HAUS8: variants seen among roughly 807,000 people sequenced by gnomAD.
HAUS8 encodes HAUS augmin like complex subunit 8.
Under a neutral mutation model 42.9 loss-of-function variants are expected in HAUS8, and 38 were observed. That is an observed-to-expected ratio of 0.89 (90% confidence interval 0.68 to 1.16). The LOEUF is 1.16. Ranked by LOEUF, HAUS8 falls within the 50% of genes most tolerant of loss-of-function variation. The pLI, the probability that HAUS8 is intolerant of heterozygous loss-of-function variation, is 0.00. For synonymous variants in HAUS8, 199 were observed against 205.8 expected, an observed-to-expected ratio of 0.97 and a Z score of 0.28; for missense variants, 494 against 511.6, an observed-to-expected ratio of 0.97 and a Z score of 0.33.
At position 17,062,864 on chromosome 19, in the gene HAUS8, G is replaced by C. The variant is rs1272800029; in HGVS notation, c.148-85C>G. 5.1e-6 allele frequency: 5 copies of C among 971,816 alleles called. No individual in the cohort carries two copies. In the Admixed American group the frequency reaches 5.4e-5, roughly 11 times the overall value. 60.2% of individuals were successfully genotyped at this position (971,816 alleles called of 1,614,324 possible). ...CCTGATGCGGTCTGCACTGTGTTTC[G>C]TAACTGCTCTTACTTTGAGGCAGGG... On this transcript the variant is annotated intron_variant, in intron 3 of 10. Transcript: ENST00000253669.
At chr19:17,059,474 G>A (rs987184506) in intron 6 of HAUS8, 83 bp downstream of exon 6, 2 of 901,466 alleles carry the variant, frequency 2.2e-6, no homozygotes, top group Non-Finnish European at 3.6e-6. Context: ...GGATCCGTGG[G>A]CACTCAGCAT....
intron 1 of HAUS8, chr19:17,073,671 T>C (rs1176162844): frequency 2.1e-5 from 6 of 282,104 alleles, no homozygotes; most frequent in Non-Finnish European, 4.2e-5. Flanking sequence ...AGAGACACAG[T>C]GGTAACAAAA....
At position 17,058,552 on chromosome 19, in the gene HAUS8, G is replaced by A. The variant is rs775739144; in HGVS notation, c.642C>T (p.Ala214=). 3.8e-6 allele frequency: 6 copies of A among 1,596,276 alleles called. No homozygotes were observed. Among genetic ancestry groups the A allele is most frequent in the Non-Finnish European group, 3.4e-6 (4 of 1,173,608 alleles). The change falls in exon 8 of 11, where the codon GCC becomes GCT. Residue 214 remains alanine, a synonymous_variant. Coordinates refer to ENST00000253669, the MANE Select transcript of HAUS8 (RefSeq NM_033417.2). ...CAGAGTGTCACTTACAACTGACCTG[G>A]GCATCCAGGACATCTGCCAGCTCCC... ...RKRELADVLD[A]QIEMLSPFEA... is the part of the protein sequence containing the mutation.
In HAUS8 at chr19:17,055,980, T is replaced by C; in HGVS notation, c.668A>G (p.Glu223Gly). 1 of 1,614,124 alleles carries C rather than the reference T, an allele frequency of 6.2e-7. No individual in the cohort carries two copies. Among genetic ancestry groups the C allele is most frequent in the Non-Finnish European group, 8.5e-7 (1 of 1,180,032 alleles). The stretch of plus-strand genomic sequence containing the variant: ...CTCCTTGAAGCGTGTGGCCACTGCC[T>C]CGAAGGGGCTGAGCATCTCGATCTG... ...DAQIEMLSPF[E>G]AVATRFKEQY... Residue 223 changes from glutamate (E) to glycine (G), a missense_variant, in exon 9 of 11, where the codon GAG becomes GGG. By Grantham distance (98) the Glu-to-Gly change is moderately conservative. Coordinates refer to ENST00000253669, the MANE Select transcript of HAUS8 (RefSeq NM_033417.2).
Position 17,058,870 on chromosome 19 carries a change from A to T in HAUS8, c.427T>A (p.Ser143Thr). The T allele has an allele frequency of 1.2e-6, 2 of 1,611,710 alleles. No homozygotes were observed. Among genetic ancestry groups the T allele is most frequent in the Middle Eastern group, 3.3e-4 (2 of 6,052 alleles). Residue 143 changes from serine (S) to threonine (T), a missense_variant, in exon 7 of 11, where the codon TCT becomes ACT. Physicochemically the swap from Ser to Thr is moderately conservative, Grantham distance 58. Transcript: ENST00000253669. ...GACTCCATCATTTCCATTGCTTCAG[A>T]TAAATCCTTAAGAAAAGAAAAAGAC... ...SAPRKKSPDL[S>T]EAMEMMESQT...
intron 3 of HAUS8, among the ~76,000 whole-genome samples, chr19:17,066,801 G>A (rs762092274): frequency 6.6e-6 from 1 of 152,160 alleles, no homozygotes; most frequent in Non-Finnish European, 1.5e-5. Context: ...GAATGTTTAC[G>A]GAGGCTTTAT....
In HAUS8 at chr19:17,052,950, T is replaced by C; in HGVS notation, c.804A>G (p.Glu268=). ...CCAGGAGGCGCTGAGTGGTCACCAG[T>C]TCATGCTGCAGGGCGTCTGGAGGGG... ...GQQLLDALQH[E]LVTTQRLLGE... Residue 268 remains glutamate (E), a synonymous_variant, in exon 10 of 11, where the codon GAA becomes GAG. Transcript: ENST00000253669. The C allele has an allele frequency of 6.2e-7, 1 of 1,614,178 alleles. No homozygotes were observed. Among genetic ancestry groups the C allele is most frequent in the Non-Finnish European group, 8.5e-7 (1 of 1,180,030 alleles).
chr19:17,053,532 A>G (rs1005781668), intron 9 of HAUS8: 2 of 153,382 alleles, frequency 1.3e-5, no homozygotes, highest in African/African-American at 4.9e-5. Flanking sequence ...CGTACGTTTC[A>G]CTCCAATCCT....
At position 17,049,821 on chromosome 19, in the gene HAUS8, C is replaced by G. The variant is rs1384888530; in HGVS notation, c.*52G>C. 2.4e-5 allele frequency: 30 copies of G among 1,261,256 alleles called. No homozygotes were observed. Among genetic ancestry groups the G allele is most frequent in the Non-Finnish European group, 3.0e-5 (29 of 966,240 alleles). The allele number at this position is 1,261,256 out of a possible 1,614,324, so 78.1% of individuals were successfully genotyped here. ...AAGATTATCACATAAAAAATAGCTA[C>G]AGTGCTACGGTAGTATATAAAGTGC... On this transcript the variant is annotated 3_prime_UTR_variant, in exon 11 of 11. Transcript: ENST00000253669.
rs762577088 is a variant in HAUS8, at chr19:17,050,259, G to C, written c.930-83C>G. 9.4e-5 allele frequency: 102 copies of C among 1,087,174 alleles called. 1 individual carries two copies. The highest frequency in any genetic ancestry group is 1.2e-4 in the Non-Finnish European group (95 of 814,712). 67.3% of individuals were successfully genotyped at this position (1,087,174 alleles called of 1,614,324 possible). On this transcript the variant is annotated intron_variant, in intron 10 of 10. Transcript: ENST00000253669. ...TGTGGTGAACGGAGGGCTGCCACACGGGGAGGCGGATTTTCACATGCCCTA... is the reference window on the plus strand; with the variant it reads ...TGTGGTGAACGGAGGGCTGCCACACCGGGAGGCGGATTTTCACATGCCCTA...
At chr19:17,074,213 GC>G (rs1292598425) in intron 1 of HAUS8, 2 of 152,656 alleles carry the variant, frequency 1.3e-5, no homozygotes, top group Admixed American at 1.3e-4. Flanking sequence ...CACAGGAGGG[GC>G]AAGTGGATGG....
At chr19:17,051,755 C>T (rs1339108096) in intron 10 of HAUS8, 1 of 149,964 alleles carries the variant, frequency 6.7e-6, no homozygotes, top group Admixed American at 6.8e-5. Context: ...ACAGCCTTGA[C>T]CTCCCCAGGC....
chr19:17,065,104 TCGG>T (rs1282273337), intron 3 of HAUS8, among the ~76,000 whole-genome samples: 3 of 152,196 alleles, frequency 2.0e-5, no homozygotes, highest in Non-Finnish European at 2.9e-5. Flanking sequence ...CTCAATATCA[TCGG>T]CTATTATGAA....
chr19:17,071,325 G>A (rs1189415807), intron 2 of HAUS8, among the ~76,000 whole-genome samples: 1 of 152,258 alleles, frequency 6.6e-6, no homozygotes, highest in Non-Finnish European at 1.5e-5. Context: ...CCAAAGGGCC[G>A]GGCTGTCAAT....
chr19:17,055,815 C>A (rs1461005278), intron 9 of HAUS8, 46 bp downstream of exon 9: 2 of 1,570,490 alleles, frequency 1.3e-6, no homozygotes, highest in Admixed American at 3.6e-5. Context: ...CACACACGCT[C>A]CTCGCCCCGC....
rs34546503 is a variant in HAUS8, at chr19:17,057,350, C to CA, written c.645+1198dup. Among the ~76,000 whole-genome samples, 72 of 146,862 alleles carry CA rather than the reference C, an allele frequency of 4.9e-4. 1 individual carries two copies. The highest frequency in any genetic ancestry group is 3.8e-3 in the South Asian group (18 of 4,718). On this transcript the variant is annotated intron_variant, in intron 8 of 10. Coordinates refer to ENST00000253669, the MANE Select transcript of HAUS8 (RefSeq NM_033417.2). ...GGGTGACAGAGCAAGACGCCCATCT[C>CA]AAAAAAAAAAAAAATTTTTTTGTAG...
intron 2 of HAUS8, among the ~76,000 whole-genome samples, chr19:17,071,728 G>A (rs2057425463): frequency 6.6e-6 from 1 of 152,154 alleles, no homozygotes; most frequent in African/African-American, 2.4e-5. Flanking sequence ...TAGGTGCGGT[G>A]GCTCACACCT....
chr19:17,070,898 C>A (rs566077653), intron 2 of HAUS8, among the ~76,000 whole-genome samples: 1 of 152,096 alleles, frequency 6.6e-6, no homozygotes, highest in South Asian at 2.1e-4. Flanking sequence ...GGAGAAACCC[C>A]GTCTCTACTA....
At position 17,058,589 on chromosome 19, in the gene HAUS8, G is replaced by C. The variant is rs752162479; in HGVS notation, c.605C>G (p.Ser202Cys). The change falls in exon 8 of 11, where the codon TCT becomes TGT. Residue 202 changes from serine (S) to cysteine (C), a missense_variant. Coordinates refer to ENST00000253669, the MANE Select transcript of HAUS8 (RefSeq NM_033417.2). ...AHELKRRLLL[S>C]QRKRELADVL... Reference sequence around the variant, plus strand: ...ATCTGCCAGCTCCCGCTTCCTCTGAGAGAGGAGAAGCCTGCGCTTCAGCTC... The same window carrying C: ...ATCTGCCAGCTCCCGCTTCCTCTGACAGAGGAGAAGCCTGCGCTTCAGCTC... 1.8e-5 allele frequency: 29 copies of C among 1,610,712 alleles called. No homozygotes were observed. The highest frequency in any genetic ancestry group is 2.7e-5 in the African/African-American group (2 of 74,616).
Sources: allele counts gnomAD v4.1 joint callset (sites outside exome capture counted in the v4.1 genomes callset), GRCh38; gene constraint gnomAD v4.1.1; transcripts MANE v1.5; gene names NCBI Gene and HGNC (gene_info 2026-07-23, HGNC 2026-07-21).